The following SPMAP2L variants were observed in gnomAD, a reference collection of about 807,000 sequenced individuals.
The protein encoded by SPMAP2L is sperm microtubule associated protein 2-like.
At chr4:56,536,991 T>A in the SPMAP2L span, among the ~76,000 whole-genome samples, 1 of 152,172 alleles carries the variant, frequency 6.6e-6, no homozygotes, top group Non-Finnish European at 1.5e-5. Flanking sequence ...CTTGAACTCC[T>A]GACCTTAGGT....
chr4:56,615,178 C>T, the SPMAP2L span, among the ~76,000 whole-genome samples: 86 of 152,288 alleles, frequency 5.6e-4, no homozygotes, highest in Admixed American at 4.6e-3. Context: ...ACCTCCTCAG[C>T]GTTGGTGCTT....
the SPMAP2L span, chr4:56,600,854 C>A: frequency 7.4e-7 from 1 of 1,352,674 alleles, no homozygotes; most frequent in Non-Finnish European, 9.8e-7. Flanking sequence ...ATGATTGTGA[C>A]TTAAGTAGGG....
the SPMAP2L span, among the ~76,000 whole-genome samples, chr4:56,533,284 T>A: frequency 2.8e-4 from 42 of 152,224 alleles, no homozygotes; most frequent in Non-Finnish European, 5.7e-4. Flanking sequence ...CCACAGTCAA[T>A]TTATTTTCCA....
chr4:56,581,461 A>G, the SPMAP2L span, among the ~76,000 whole-genome samples: 1 of 151,982 alleles, frequency 6.6e-6, no homozygotes, highest in South Asian at 2.1e-4. Context: ...ATCTCCAAAA[A>G]GAAAAAAAAT....
chr4:56,532,844 C>T, the SPMAP2L span, among the ~76,000 whole-genome samples: 1 of 152,128 alleles, frequency 6.6e-6, no homozygotes, highest in Non-Finnish European at 1.5e-5. Flanking sequence ...TGTCCTTCAC[C>T]CCATCGTAGG....
chr4:56,538,059 T>C, the SPMAP2L span, among the ~76,000 whole-genome samples: 75,443 of 151,994 alleles, frequency 0.5, 19,787 homozygotes, highest in East Asian at 0.64. Flanking sequence ...CCTGCAGCCC[T>C]ATGGCTACCG....
chr4:56,531,503 G>A, the SPMAP2L span, among the ~76,000 whole-genome samples: 1 of 152,106 alleles, frequency 6.6e-6, no homozygotes, highest in Non-Finnish European at 1.5e-5. Context: ...CCTCTGGGTT[G>A]CACTTTGAAT....
chr4:56,553,318 G>A, the SPMAP2L span, among the ~76,000 whole-genome samples: 80 of 148,868 alleles, frequency 5.4e-4, no homozygotes, highest in African/African-American at 1.8e-3. Context: ...AGCCTCCTGA[G>A]TATCTGGGAC....
At chr4:56,540,087 A>C in the SPMAP2L span, among the ~76,000 whole-genome samples, 1 of 152,264 alleles carries the variant, frequency 6.6e-6, no homozygotes, top group Non-Finnish European at 1.5e-5. Context: ...TCATATTAAT[A>C]GTAGCTTATG....
the SPMAP2L span, among the ~76,000 whole-genome samples, chr4:56,543,891 AGAGAGTGTGTGTGTGT>A: frequency 3.2e-5 from 4 of 123,778 alleles, no homozygotes; most frequent in Non-Finnish European, 3.3e-5. Context: ...AGAGAGAGAG[AGAGAGTGTGTGTGTGT>A]GTGTGTGTGT....
chr4:56,594,296 T>C, the SPMAP2L span: 3 of 1,550,498 alleles, frequency 1.9e-6, no homozygotes, highest in Non-Finnish European at 2.7e-6. Flanking sequence ...TAAAGACATT[T>C]CCCTTGTTCA....
chr4:56,563,259 ATT>A, the SPMAP2L span, among the ~76,000 whole-genome samples: 12 of 135,438 alleles, frequency 8.9e-5, no homozygotes, highest in Middle Eastern at 3.8e-3. Flanking sequence ...TACCCGGCTA[ATT>A]TTTTTTTTTT....
chr4:56,570,732 G>GA, the SPMAP2L span, among the ~76,000 whole-genome samples: 45,784 of 151,864 alleles, frequency 0.3, 9,920 homozygotes, highest in African/African-American at 0.61. Flanking sequence ...TACTGTTTAT[G>GA]AAAAAGTTTT....
At chr4:56,612,472 A>T in the SPMAP2L span, among the ~76,000 whole-genome samples, 1 of 151,916 alleles carries the variant, frequency 6.6e-6, no homozygotes, top group Non-Finnish European at 1.5e-5. Context: ...GACTACAGGC[A>T]TGAGCCACCA....
the SPMAP2L span, among the ~76,000 whole-genome samples, chr4:56,573,358 A>C: frequency 2.0e-5 from 3 of 152,172 alleles, no homozygotes; most frequent in African/African-American, 7.2e-5. Flanking sequence ...TATTATGGTC[A>C]GTACAGATTT....
the SPMAP2L span, among the ~76,000 whole-genome samples, chr4:56,615,882 C>A: frequency 6.6e-6 from 1 of 152,154 alleles, no homozygotes; most frequent in Non-Finnish European, 1.5e-5. Context: ...CAAAAGTTGC[C>A]CAGGTGACCC....
At chr4:56,582,640 T>C in the SPMAP2L span, among the ~76,000 whole-genome samples, 1 of 152,252 alleles carries the variant, frequency 6.6e-6, no homozygotes, top group East Asian at 1.9e-4. Context: ...GCAACTGATA[T>C]AGAAAACAGT....
chr4:56,594,247 T>G, the SPMAP2L span: 3 of 1,592,960 alleles, frequency 1.9e-6, no homozygotes, highest in Non-Finnish European at 2.6e-6. Context: ...GCTACCACTC[T>G]GAAACAAATA....
At chr4:56,548,969 C>CTTTCT in the SPMAP2L span, 1 of 405,452 alleles carries the variant, frequency 2.5e-6, no homozygotes, top group Non-Finnish European at 4.2e-6. Context: ...AGGTCCTTTT[C>CTTTCT]TTTCTTTTCT....
Sources: gnomAD v4.1 joint callset for allele counts (sites outside exome capture counted in the v4.1 genomes callset) on GRCh38, gnomAD v4.1.1 for gene constraint, MANE v1.5 for transcripts, NCBI Gene and HGNC (gene_info 2026-07-23, HGNC 2026-07-21) for gene names.